Variants in ERC2 observed in about 807,000 individuals in gnomAD.
ERC2 encodes ELKS/RAB6-interacting/CAST family member 2.
In ERC2, 42 loss-of-function variants were observed where a neutral mutation model predicts 114.8. The ratio of observed to expected loss-of-function variants is 0.37; its 90% CI spans 0.29 to 0.47. The LOEUF (loss-of-function observed/expected upper bound fraction) is 0.47, where lower values mean the gene tolerates loss of function less well. Among genes scored for constraint, ERC2 ranks in the 20% least tolerant of loss-of-function variants. ERC2 has a pLI of 0.99. For synonymous variants in ERC2, 454 were observed against 425.5 expected, an observed-to-expected ratio of 1.07 and a Z score of -0.82; for missense variants, 939 against 1,150.7, an observed-to-expected ratio of 0.82 and a Z score of 2.66.
chr3:55,669,913 A>G (rs909089446), intron 17 of ERC2, among the ~76,000 whole-genome samples: 13 of 152,252 alleles, frequency 8.5e-5, no homozygotes, highest in Non-Finnish European at 1.9e-4. Context: ...CACATAGTAG[A>G]TACTTGATAA....
At chr3:55,854,406 G>GTTTGGTTTGGTTTGT (rs2061702866) in intron 14 of ERC2, among the ~76,000 whole-genome samples, 1 of 152,156 alleles carries the variant, frequency 6.6e-6, no homozygotes, top group African/African-American at 2.4e-5. Context: ...GTTTGGTTTG[G>GTTTGGTTTGGTTTGT]TTTGGTTTGA....
chr3:56,400,964 C>T (rs2060496985), intron 2 of ERC2, among the ~76,000 whole-genome samples: 1 of 152,156 alleles, frequency 6.6e-6, no homozygotes, highest in Non-Finnish European at 1.5e-5. Flanking sequence ...GCAAAAAAAG[C>T]TACTTTATTC....
At chr3:56,241,759 A>T (rs188858207) in intron 3 of ERC2, among the ~76,000 whole-genome samples, 5 of 152,232 alleles carry the variant, frequency 3.3e-5, no homozygotes, top group Admixed American at 2.6e-4. Context: ...AAAAGCACAC[A>T]CTCTAACACT....
chr3:56,194,498 CTA>C (rs1326347036), intron 3 of ERC2, among the ~76,000 whole-genome samples: 1 of 152,038 alleles, frequency 6.6e-6, no homozygotes, highest in Non-Finnish European at 1.5e-5. Flanking sequence ...GAAAAATGGT[CTA>C]CCTATACAGG....
At chr3:55,960,172 A>G (rs904105287) in intron 12 of ERC2, among the ~76,000 whole-genome samples, 1 of 152,082 alleles carries the variant, frequency 6.6e-6, no homozygotes, top group South Asian at 2.1e-4. Context: ...GGGTGTTTCA[A>G]AGTAAGTCAG....
intron 17 of ERC2, among the ~76,000 whole-genome samples, chr3:55,512,560 A>T (rs1165519399): frequency 6.6e-6 from 1 of 152,266 alleles, no homozygotes; most frequent in Non-Finnish European, 1.5e-5. Flanking sequence ...CATGATTAAA[A>T]GGTAAAGAGA....
chr3:55,532,674 A>G (rs1167787054), intron 17 of ERC2, among the ~76,000 whole-genome samples: 1 of 152,190 alleles, frequency 6.6e-6, no homozygotes, highest in Non-Finnish European at 1.5e-5. Flanking sequence ...CAGGGCCACA[A>G]AGTTATTAAG....
chr3:56,147,376 C>T (rs553270973), intron 5 of ERC2, among the ~76,000 whole-genome samples: 137 of 152,292 alleles, frequency 9.0e-4, no homozygotes, highest in African/African-American at 3.2e-3. Flanking sequence ...CCTTGATCCA[C>T]GTTTTCAGCA....
rs141305162 is a variant in ERC2, at chr3:55,972,047, C to T, written c.2267+13930G>A. ...CTGAAATAGCTCCCATTTGGCTTCC[C>T]TGATGCCAATCTATGTACCTATCAT... On this transcript the variant is annotated intron_variant, in intron 12 of 17. Transcript: ENST00000288221. Among the ~76,000 whole-genome samples, 345 of 152,274 alleles carry T rather than the reference C, an allele frequency of 2.3e-3. 3 individuals are homozygous for T. In the Middle Eastern group the frequency reaches 0.031, roughly 14 times the overall value.
intron 7 of ERC2, among the ~76,000 whole-genome samples, chr3:56,080,525 C>A (rs980067785): frequency 6.6e-6 from 1 of 152,072 alleles, no homozygotes; most frequent in African/African-American, 2.4e-5. Context: ...CTTTTGGGAC[C>A]TTTGGTTATT....
At chr3:56,466,898 C>G (rs1446075693) in intron 1 of ERC2, among the ~76,000 whole-genome samples, 1 of 152,140 alleles carries the variant, frequency 6.6e-6, no homozygotes, top group Non-Finnish European at 1.5e-5. Context: ...GACTGCAATT[C>G]TGGAGAAATA....
chr3:55,925,751 T>C (rs2065709208), intron 13 of ERC2, among the ~76,000 whole-genome samples: 1 of 152,194 alleles, frequency 6.6e-6, no homozygotes, highest in South Asian at 2.1e-4. Context: ...CTGGAAATCA[T>C]AATTACAGAC....
chr3:56,010,197 T>TA, intron 9 of ERC2, among the ~76,000 whole-genome samples: 1 of 151,710 alleles, frequency 6.6e-6, no homozygotes, highest in East Asian at 1.9e-4. Flanking sequence ...TGGTAAGACA[T>TA]AAAGAAAAGT....
intron 1 of ERC2, among the ~76,000 whole-genome samples, chr3:56,449,028 T>C (rs1051097962): frequency 6.7e-6 from 1 of 148,278 alleles, no homozygotes; most frequent in Non-Finnish European, 1.5e-5. Flanking sequence ...TCAGCCGAGA[T>C]TGTGCCACTG....
intron 3 of ERC2, among the ~76,000 whole-genome samples, chr3:56,208,419 T>G (rs867577119): frequency 1.6e-4 from 24 of 152,378 alleles, no homozygotes; most frequent in Middle Eastern, 3.4e-3. Flanking sequence ...AAGTTCCACT[T>G]TAGTCAACAG....
intron 15 of ERC2, among the ~76,000 whole-genome samples, chr3:55,704,595 A>G (rs1404989437): frequency 6.6e-6 from 1 of 152,214 alleles, no homozygotes; most frequent in African/African-American, 2.4e-5. Context: ...CAAACCAGAC[A>G]AGAATGGGAT....
At position 55,747,751 on chromosome 3, in the gene ERC2, A is replaced by G. The variant is rs569794430; in HGVS notation, c.2565-12833T>C. 2.0e-5 allele frequency among the ~76,000 whole-genome samples: 3 copies of G among 152,376 alleles called. No homozygotes were observed. The South Asian group carries it at 6.2e-4, about 32-fold the overall frequency. On this transcript the variant is annotated intron_variant, in intron 14 of 17. Coordinates refer to ENST00000288221, the MANE Select transcript of ERC2 (RefSeq NM_015576.3). ...AAATGAAGAGGAGGCACAAGAGCAT[A>G]CTCAATGACCACAAATTAATTTCAG...
At chr3:55,522,864 A>G (rs2053055815) in intron 17 of ERC2, among the ~76,000 whole-genome samples, 1 of 152,232 alleles carries the variant, frequency 6.6e-6, no homozygotes, top group Non-Finnish European at 1.5e-5. Flanking sequence ...GCTATCATAC[A>G]TGTTTCCAAC....
intron 17 of ERC2, among the ~76,000 whole-genome samples, chr3:55,650,224 C>T (rs542442016): frequency 2.6e-5 from 4 of 152,334 alleles, no homozygotes; most frequent in South Asian, 2.1e-4. Flanking sequence ...TTCTCTGCCT[C>T]CTTATTCATA....
Sources: allele counts gnomAD v4.1 joint callset (sites outside exome capture counted in the v4.1 genomes callset), GRCh38; gene constraint gnomAD v4.1.1; transcripts MANE v1.5; gene names NCBI Gene and HGNC (gene_info 2026-07-23, HGNC 2026-07-21).